Variants in SGCD observed in about 807,000 individuals in gnomAD.
SGCD encodes the protein sarcoglycan delta.
Under a neutral mutation model 36.6 loss-of-function variants are expected in SGCD, and 18 were observed. That is an observed-to-expected ratio of 0.49 (90% confidence interval 0.34 to 0.73). The LOEUF (loss-of-function observed/expected upper bound fraction) is 0.73. Ranked by LOEUF, SGCD falls within the 30% of genes least tolerant of loss-of-function variation. SGCD has a pLI of 0.01. For synonymous variants in SGCD, 133 were observed against 130.6 expected, an observed-to-expected ratio of 1.02 and a Z score of -0.12; for missense variants, 387 against 346.7, an observed-to-expected ratio of 1.12 and a Z score of -0.92.
chr5:156,611,604 A>G (rs1761813821), intron 6 of SGCD, among the ~76,000 whole-genome samples: 1 of 152,172 alleles, frequency 6.6e-6, no homozygotes, highest in African/African-American at 2.4e-5. Flanking sequence ...CTAATTGGGA[A>G]TCTTTTTGCT....
chr5:156,044,388 A>G (rs900587763), intron 1 of SGCD, among the ~76,000 whole-genome samples: 1 of 152,196 alleles, frequency 6.6e-6, no homozygotes, highest in African/African-American at 2.4e-5. Flanking sequence ...TTTAATACTT[A>G]GAGGAATATT....
chr5:156,750,495 T>C (rs563049734), intron 7 of SGCD, among the ~76,000 whole-genome samples: 36 of 152,130 alleles, frequency 2.4e-4, no homozygotes, highest in African/African-American at 8.2e-4. Flanking sequence ...CTGGCCAACA[T>C]GGTGAAACCC....
chr5:156,017,271 A>AT (rs1759005348), intron 1 of SGCD, among the ~76,000 whole-genome samples: 3 of 152,040 alleles, frequency 2.0e-5, no homozygotes, highest in Admixed American at 6.6e-5. Context: ...TCTTCTTCTT[A>AT]TTTTTCATTT....
chr5:155,977,706 G>T lies in SGCD; in HGVS notation c.-282+107282G>T, dbSNP rs114982833. ...CATCAGGTTACTATTGTTAGCCAAA[G>T]TGTGGAACCAAATAGGCCAGGAAAC... is the stretch of plus-strand genomic sequence containing the variant. On this transcript the variant is annotated intron_variant, in intron 1 of 9. Transcript: ENST00000517913. 3.0e-3 allele frequency among the ~76,000 whole-genome samples: 458 copies of T among 152,294 alleles called. 3 individuals are homozygous for T. Among genetic ancestry groups the T allele is most frequent in the African/African-American group, 0.01 (432 of 41,564 alleles).
intron 1 of SGCD, among the ~76,000 whole-genome samples, chr5:156,010,372 G>A (rs1236063030): frequency 2.0e-5 from 3 of 152,112 alleles, no homozygotes; most frequent in Admixed American, 1.3e-4. Context: ...GAATATGTCC[G>A]ATAGTTGTTA....
the SGCD span, among the ~76,000 whole-genome samples, chr5:155,821,951 A>G: frequency 6.6e-6 from 1 of 152,204 alleles, no homozygotes; most frequent in South Asian, 2.1e-4. Flanking sequence ...CCTGACATAT[A>G]ATACATGTTA....
intron 1 of SGCD, among the ~76,000 whole-genome samples, chr5:155,935,777 C>T (rs934850893): frequency 1.3e-4 from 20 of 152,156 alleles, no homozygotes; most frequent in African/African-American, 3.6e-4. Context: ...GAGTTTTGCT[C>T]GGGCCCACTG....
intron 4 of SGCD, among the ~76,000 whole-genome samples, chr5:156,523,965 G>A (rs1199190605): frequency 1.3e-5 from 2 of 150,152 alleles, no homozygotes; most frequent in Non-Finnish European, 3.0e-5. Flanking sequence ...TTAGGTCCTT[G>A]AGAAACATTG....
chr5:156,254,207 A>G lies in SGCD; in HGVS notation c.-43-75327A>G, dbSNP rs1241641504. ...AAATGCTTCAAAGATTTTACCATTTATAATGATGTATGCTCTAGACATTTT... is the reference window on the plus strand; with the variant it reads ...AAATGCTTCAAAGATTTTACCATTTGTAATGATGTATGCTCTAGACATTTT... On this transcript the variant is annotated intron_variant, in intron 3 of 9. Transcript: ENST00000517913. Among the ~76,000 whole-genome samples the G allele has an allele frequency of 2.6e-5, 4 of 152,224 alleles. No individual in the cohort carries two copies. In the East Asian group the frequency reaches 7.7e-4, roughly 29 times the overall value.
At chr5:155,937,903 T>G (rs549477931) in intron 1 of SGCD, among the ~76,000 whole-genome samples, 15 of 152,036 alleles carry the variant, frequency 9.9e-5, no homozygotes, top group African/African-American at 1.9e-4. Context: ...ATGAGAAGAG[T>G]GAAAGCTGAG....
In SGCD at chr5:156,763,598, A is replaced by ATGTC. The variant is rs2113203519; in HGVS notation, c.*4209_*4210insGTCT. 1.3e-5 allele frequency: 2 copies of ATGTC among 152,242 alleles called. No homozygotes were observed. The highest frequency in any genetic ancestry group is 3.9e-4 in the East Asian group (2 of 5,174). 9.4% of individuals were successfully genotyped at this position (152,242 alleles called of 1,614,324 possible). A position where few individuals can be genotyped will look rare whatever the true frequency, so the allele number is the denominator to read the frequency against. On this transcript the variant is annotated 3_prime_UTR_variant, in exon 9 of 9. Transcript: ENST00000337851. ...ACTATAACAACAACAACAAAAACAT[A>ATGTC]TTTTGAAAAGACATATTCTGACATC...
intron 7 of SGCD, among the ~76,000 whole-genome samples, chr5:156,650,253 A>G (rs1286418737): frequency 2.0e-5 from 3 of 152,138 alleles, no homozygotes; most frequent in African/African-American, 7.2e-5. Context: ...ATAAATAAAT[A>G]CTTTGTGTAG....
At chr5:156,059,089 G>A (rs1760136551) in intron 1 of SGCD, among the ~76,000 whole-genome samples, 1 of 143,944 alleles carries the variant, frequency 6.9e-6, no homozygotes, top group Admixed American at 6.9e-5. Context: ...TTCTACAAGT[G>A]GGTATATCAT....
chr5:155,814,267 A>C, the SGCD span, among the ~76,000 whole-genome samples: 1 of 152,146 alleles, frequency 6.6e-6, no homozygotes, highest in Non-Finnish European at 1.5e-5. Flanking sequence ...TTCTGTATCC[A>C]GGAATGTTCT....
chr5:156,230,396 CT>C (rs1327690727), intron 3 of SGCD, among the ~76,000 whole-genome samples: 2 of 152,174 alleles, frequency 1.3e-5, no homozygotes, highest in African/African-American at 4.8e-5. Flanking sequence ...TACTCTCCTC[CT>C]TCTCCTATGG....
At chr5:155,981,238 G>A (rs776347525) in intron 1 of SGCD, among the ~76,000 whole-genome samples, 1 of 152,150 alleles carries the variant, frequency 6.6e-6, no homozygotes, top group Admixed American at 6.6e-5. Context: ...AATCTCAGTG[G>A]CGACCTGGAG....
the SGCD span, among the ~76,000 whole-genome samples, chr5:155,803,818 A>G: frequency 2.0e-5 from 3 of 152,188 alleles, no homozygotes; most frequent in African/African-American, 7.2e-5. Flanking sequence ...GTGATGGAGC[A>G]TAGGGTATGC....
chr5:156,347,870 C>T (rs1052542503), intron 3 of SGCD, among the ~76,000 whole-genome samples: 3 of 152,146 alleles, frequency 2.0e-5, no homozygotes, highest in African/African-American at 7.2e-5. Context: ...GAAATCGGCT[C>T]TTTCCTGCAG....
At chr5:155,740,456 T>C in the SGCD span, among the ~76,000 whole-genome samples, 72 of 152,262 alleles carry the variant, frequency 4.7e-4, no homozygotes, top group Non-Finnish European at 3.1e-4. Context: ...TGGGTGGTTC[T>C]TTTTCAGATG....
Sources: gnomAD v4.1 joint callset for allele counts (sites outside exome capture counted in the v4.1 genomes callset) on GRCh38, gnomAD v4.1.1 for gene constraint, MANE v1.5 for transcripts, NCBI Gene and HGNC (gene_info 2026-07-23, HGNC 2026-07-21) for gene names.